The following STK24 variants were observed in gnomAD, a reference collection of about 807,000 sequenced individuals.
STK24 encodes serine/threonine kinase 24.
In STK24, 21 loss-of-function variants were observed where a neutral mutation model predicts 55.6. The observed-to-expected ratio is 0.38, with a 90% CI of 0.27 to 0.54. The LOEUF is 0.54. Among genes scored for constraint, STK24 ranks in the 20% least tolerant of loss-of-function variants. The pLI is 0.79. For missense variants in STK24, 383 were observed against 538.4 expected (o/e 0.71, Z 2.86); for synonymous variants, 200 against 215.2 (o/e 0.93, Z 0.62).
At chr13:98,454,849 C>T (rs1893376010) in intron 10 of STK24, 1 of 152,252 alleles carries the variant, frequency 6.6e-6, no homozygotes, top group Admixed American at 6.5e-5. Context: ...GGCAGCTCAT[C>T]TGAGGACAGA....
chr13:98,511,231 A>T (rs1436801847), intron 2 of STK24, among the ~76,000 whole-genome samples: 1 of 152,252 alleles, frequency 6.6e-6, no homozygotes, highest in Non-Finnish European at 1.5e-5. Flanking sequence ...TACTGACGGG[A>T]AATAGTAAGC....
chr13:98,511,730 G>A (rs553005697), intron 2 of STK24, among the ~76,000 whole-genome samples: 2 of 152,170 alleles, frequency 1.3e-5, no homozygotes, highest in East Asian at 1.9e-4. Context: ...ACGGTGCTCC[G>A]GAAAAGCCAA....
chr13:98,446,224 G>A lies in STK24; in HGVS notation c.*6949C>T, dbSNP rs768087719. On this transcript the variant is annotated 3_prime_UTR_variant, in exon 11 of 11. Coordinates refer to ENST00000539966, the MANE Select transcript of STK24 (RefSeq NM_001032296.4). Reference sequence around the variant, plus strand: ...ACACCAGGTAAGTGTCTCGCACAGGGCAGGTGGCCCTGGGACCTTGGGGGT... The same window carrying A: ...ACACCAGGTAAGTGTCTCGCACAGGACAGGTGGCCCTGGGACCTTGGGGGT... 14 of 1,554,086 alleles carry A rather than the reference G, an allele frequency of 9.0e-6. No individual in the cohort carries two copies. The highest frequency in any genetic ancestry group is 2.2e-5 in the South Asian group (2 of 89,444).
At chr13:98,572,803 C>T (rs1897776959) in intron 1 of STK24, among the ~76,000 whole-genome samples, 1 of 152,196 alleles carries the variant, frequency 6.6e-6, no homozygotes, top group South Asian at 2.1e-4. Context: ...AACTTCAAAA[C>T]ATGGTAAATT....
chr13:98,572,327 G>A (rs1199205773), intron 1 of STK24, among the ~76,000 whole-genome samples: 2 of 152,010 alleles, frequency 1.3e-5, no homozygotes, highest in African/African-American at 4.8e-5. Context: ...CCGAACCCAC[G>A]TCTCGGATGT....
chr13:98,548,272 CAA>C, intron 1 of STK24, among the ~76,000 whole-genome samples: 2 of 152,090 alleles, frequency 1.3e-5, no homozygotes, highest in Non-Finnish European at 2.9e-5. Flanking sequence ...GGGGCAAAAA[CAA>C]AGTTTTTTTT....
intron 8 of STK24, 49 bp from the exon 9 acceptor site, chr13:98,460,489 T>C (rs767053614): frequency 4.0e-6 from 6 of 1,516,308 alleles, no homozygotes; most frequent in East Asian, 2.3e-5. Context: ...GACGTTCACA[T>C]TGGCAATAAT....
intron 1 of STK24, among the ~76,000 whole-genome samples, chr13:98,561,475 G>A (rs1410423289): frequency 6.6e-6 from 1 of 151,992 alleles, no homozygotes; most frequent in East Asian, 1.9e-4. Context: ...CTAGCTACTG[G>A]GGAGGCTGAG....
chr13:98,471,936 G>A (rs563974369), intron 5 of STK24, among the ~76,000 whole-genome samples: 40 of 152,186 alleles, frequency 2.6e-4, no homozygotes, highest in Non-Finnish European at 3.7e-4. Flanking sequence ...GCACAGACTA[G>A]GAGGGGAAAT....
At chr13:98,467,934 A>G (rs1893983177) in intron 5 of STK24, among the ~76,000 whole-genome samples, 1 of 152,164 alleles carries the variant, frequency 6.6e-6, no homozygotes. Flanking sequence ...TGGGGTAGAG[A>G]ACACGCCTGA....
chr13:98,505,366 A>T (rs1455661926), intron 2 of STK24, among the ~76,000 whole-genome samples: 2 of 152,270 alleles, frequency 1.3e-5, no homozygotes, highest in African/African-American at 4.8e-5. Context: ...TTGGAAATAT[A>T]TGATCAATAA....
chr13:98,462,029 C>T (rs1002074465), intron 7 of STK24, 132 bp from the exon 8 acceptor site: 6 of 1,120,904 alleles, frequency 5.4e-6, no homozygotes, highest in African/African-American at 1.6e-5. Context: ...ACCCATCACA[C>T]CCTTGTCCAG....
Position 98,446,525 on chromosome 13 carries a change from G to A in STK24, c.*6648C>T. 1 of 824,066 alleles carries A rather than the reference G, an allele frequency of 1.2e-6. No individual in the cohort carries two copies. The highest frequency in any genetic ancestry group is 2.5e-5 in the East Asian group (1 of 40,350). 51.0% of individuals were successfully genotyped at this position (824,066 alleles called of 1,614,324 possible). On this transcript the variant is annotated 3_prime_UTR_variant, in exon 11 of 11. Coordinates refer to ENST00000539966, the MANE Select transcript of STK24 (RefSeq NM_001032296.4). ...GGCCATCACGTACAGGCAAACACTG[G>A]CTGCCATGGTCCCTTCCAGGCCCAC...
At chr13:98,485,271 A>G (rs1894761330) in intron 2 of STK24, among the ~76,000 whole-genome samples, 1 of 152,144 alleles carries the variant, frequency 6.6e-6, no homozygotes, top group Non-Finnish European at 1.5e-5. Context: ...ATTCGGGGAG[A>G]ATTTTTAAGG....
At chr13:98,458,561 G>A (rs1380412011) in intron 9 of STK24, among the ~76,000 whole-genome samples, 1 of 152,110 alleles carries the variant, frequency 6.6e-6, no homozygotes, top group African/African-American at 2.4e-5. Context: ...CGCCGGCCCC[G>A]AGGCGGCCAC....
chr13:98,448,170 T>C lies in STK24; in HGVS notation c.*5003A>G. The C allele has an allele frequency of 7.4e-7, 1 of 1,348,210 alleles. No homozygotes were observed. The highest frequency in any genetic ancestry group is 1.1e-6 in the Non-Finnish European group (1 of 939,916). 83.5% of individuals were successfully genotyped at this position (1,348,210 alleles called of 1,614,324 possible). On this transcript the variant is annotated 3_prime_UTR_variant, in exon 11 of 11. Transcript: ENST00000539966. Reference sequence around the variant, plus strand: ...CTTCACCTTGTGTTTCTGTAAGCGATGCCCACCAAAGTGTCAGGAGTCCGT... The same window carrying C: ...CTTCACCTTGTGTTTCTGTAAGCGACGCCCACCAAAGTGTCAGGAGTCCGT...
chr13:98,467,099 C>CAT (rs2055130486), intron 5 of STK24, among the ~76,000 whole-genome samples: 2 of 152,034 alleles, frequency 1.3e-5, no homozygotes, highest in Non-Finnish European at 2.9e-5. Context: ...AGGAGGTGGC[C>CAT]ATGTAAGGTG....
chr13:98,552,970 T>C (rs1228992168), intron 1 of STK24, among the ~76,000 whole-genome samples: 1 of 151,910 alleles, frequency 6.6e-6, no homozygotes, highest in Non-Finnish European at 1.5e-5. Flanking sequence ...ATTCAGGTGA[T>C]GACAACATGT....
At chr13:98,490,177 G>A (rs1274490764) in intron 2 of STK24, among the ~76,000 whole-genome samples, 1 of 152,208 alleles carries the variant, frequency 6.6e-6, no homozygotes. Context: ...ACTCTGGTGG[G>A]ATATTCAGCA....
Sources: allele counts gnomAD v4.1 joint callset (sites outside exome capture counted in the v4.1 genomes callset), GRCh38; gene constraint gnomAD v4.1.1; transcripts MANE v1.5; gene names NCBI Gene and HGNC (gene_info 2026-07-23, HGNC 2026-07-21).